Variants in LRRC7 observed in about 807,000 individuals in gnomAD.
The protein encoded by LRRC7 is leucine-rich repeat-containing protein 7.
In LRRC7, 23 loss-of-function variants were observed where a neutral mutation model predicts 175.7. The ratio of observed to expected loss-of-function variants is 0.13; its 90% CI spans 0.09 to 0.19. LRRC7 has a LOEUF of 0.19. LRRC7 is among the 10% of genes least tolerant of loss of function. LRRC7 has a pLI of 1.00. For missense variants in LRRC7, 1,354 were observed against 1,904.7 expected (o/e 0.71, Z 5.38); for synonymous variants, 685 against 680.9 (o/e 1.01, Z -0.09).
chr1:69,948,694 G>A (rs949527602), intron 8 of LRRC7, among the ~76,000 whole-genome samples: 2 of 152,060 alleles, frequency 1.3e-5, no homozygotes. Flanking sequence ...CTACTTTTAC[G>A]AGGCACTCTA....
chr1:69,673,452 T>C (rs980049426), intron 1 of LRRC7, among the ~76,000 whole-genome samples: 1 of 152,236 alleles, frequency 6.6e-6, no homozygotes, highest in Non-Finnish European at 1.5e-5. Flanking sequence ...TCATTACATT[T>C]AATCTCTCTT....
At chr1:69,790,973 C>T (rs1377167639) in intron 3 of LRRC7, among the ~76,000 whole-genome samples, 1 of 151,894 alleles carries the variant, frequency 6.6e-6, no homozygotes, top group Non-Finnish European at 1.5e-5. Context: ...ACATAACGAC[C>T]ATGTGCTACA....
chr1:70,063,219 A>G (rs1661711732), intron 23 of LRRC7, among the ~76,000 whole-genome samples: 1 of 152,148 alleles, frequency 6.6e-6, no homozygotes, highest in Non-Finnish European at 1.5e-5. Flanking sequence ...CCACAGATTA[A>G]GCAATAGGAA....
chr1:69,609,601 T>C (rs1230341728), intron 1 of LRRC7, among the ~76,000 whole-genome samples: 1 of 151,954 alleles, frequency 6.6e-6, no homozygotes, highest in East Asian at 1.9e-4. Context: ...CTTAAATGAG[T>C]TTAATATATG....
chr1:69,903,628 G>C (rs1238974492), intron 7 of LRRC7, among the ~76,000 whole-genome samples: 1 of 152,154 alleles, frequency 6.6e-6, no homozygotes, highest in South Asian at 2.1e-4. Context: ...AAATTTAAAA[G>C]CTTGCAGAAG....
chr1:69,793,176 A>C (rs1371152450), intron 4 of LRRC7, among the ~76,000 whole-genome samples: 1 of 152,118 alleles, frequency 6.6e-6, no homozygotes, highest in Non-Finnish European at 1.5e-5. Context: ...GTTGCCCATT[A>C]AACAAGAAAT....
intron 3 of LRRC7, among the ~76,000 whole-genome samples, chr1:69,781,838 GAAGGAAGGGAGA>G (rs1557720518): frequency 1.2e-4 from 10 of 85,888 alleles, no homozygotes; most frequent in Admixed American, 3.8e-4. Context: ...AGGAAGGAAG[GAAGGAAGGGAGA>G]GAAAGAAAGA....
At chr1:69,976,023 T>C (rs577060484) in intron 8 of LRRC7, among the ~76,000 whole-genome samples, 1 of 152,296 alleles carries the variant, frequency 6.6e-6, no homozygotes, top group African/African-American at 2.4e-5. Context: ...TCTCCTCTCA[T>C]TCAGGCTTTA....
chr1:69,807,255 C>T (rs1677232743), intron 4 of LRRC7, among the ~76,000 whole-genome samples: 1 of 151,968 alleles, frequency 6.6e-6, no homozygotes, highest in Non-Finnish European at 1.5e-5. Context: ...ATCCAATTTG[C>T]CAGTCTGTGT....
intron 4 of LRRC7, among the ~76,000 whole-genome samples, chr1:69,797,908 G>GT (rs369511771): frequency 3.4e-3 from 523 of 151,616 alleles, no homozygotes; most frequent in African/African-American, 0.012. Flanking sequence ...TTTGCACTTT[G>GT]TTTTTTTTGT....
intron 1 of LRRC7, among the ~76,000 whole-genome samples, chr1:69,671,348 T>C (rs981484996): frequency 6.6e-6 from 1 of 152,136 alleles, no homozygotes; most frequent in African/African-American, 2.4e-5. Context: ...TATCCTACTG[T>C]GGCTAAGCTG....
chr1:69,908,360 G>A (rs1226691554), intron 7 of LRRC7, among the ~76,000 whole-genome samples: 180 of 151,970 alleles, frequency 1.2e-3, no homozygotes, highest in African/African-American at 4.2e-3. Flanking sequence ...ATGTTAGGGT[G>A]TCAATTTTGG....
chr1:69,616,985 G>A lies in LRRC7; in HGVS notation c.2+48344G>A, dbSNP rs551336293. Among the ~76,000 whole-genome samples, 207 of 152,170 alleles carry A rather than the reference G, an allele frequency of 1.4e-3. 5 individuals are homozygous for A. In the South Asian group the frequency reaches 0.042, roughly 31 times the overall value. On this transcript the variant is annotated intron_variant, in intron 1 of 26. Transcript: ENST00000651989. ...TTATATCACTAGATAAAATTCAAAT[G>A]TCAGAAGTCAAGGTTATTCACTGTC... is the stretch of plus-strand genomic sequence containing the variant.
chr1:69,853,305 G>T (rs2421195), intron 7 of LRRC7, among the ~76,000 whole-genome samples: 1 of 96,378 alleles, frequency 1.0e-5, no homozygotes, highest in Admixed American at 1.6e-4. Flanking sequence ...TTGAGACAGA[G>T]TCTTACTCTG....
Position 70,021,103 on chromosome 1 carries a change from G to A in LRRC7, c.1519G>A (p.Asp507Asn), listed in dbSNP as rs757125340. Reference protein sequence around the residue: ...VAFEFEDKKEDDENAGKVKDL... With the variant: ...VAFEFEDKKENDENAGKVKDL... ...CTTTGAATTTGAAGACAAAAAAGAA[G>A]ATGACGAAAATGCTGGGAAAGTTAA... is the stretch of plus-strand genomic sequence containing the variant. Residue 507 changes from aspartate to asparagine, a missense_variant, in exon 16 of 27, where the codon GAT becomes AAT. Transcript: ENST00000651989. 3 of 1,612,118 alleles carry A rather than the reference G, an allele frequency of 1.9e-6. No individual in the cohort carries two copies. The highest frequency in any genetic ancestry group is 2.2e-5 in the East Asian group (1 of 44,718).
At chr1:70,071,148 A>G (rs554960280) in intron 23 of LRRC7, among the ~76,000 whole-genome samples, 2 of 152,172 alleles carry the variant, frequency 1.3e-5, no homozygotes, top group Non-Finnish European at 2.9e-5. Flanking sequence ...GTTAGACAGC[A>G]TCTTTCCTAT....
chr1:70,012,338 C>T (rs1656584878), intron 12 of LRRC7, among the ~76,000 whole-genome samples: 1 of 151,394 alleles, frequency 6.6e-6, no homozygotes, highest in Admixed American at 6.6e-5. Flanking sequence ...ACTTCTGGAT[C>T]CACCAAGAGA....
chr1:69,751,258 T>C (rs1669818882), intron 2 of LRRC7, among the ~76,000 whole-genome samples: 1 of 152,176 alleles, frequency 6.6e-6, no homozygotes, highest in South Asian at 2.1e-4. Flanking sequence ...GCAGGCACCA[T>C]AGCTTTTTAA....
chr1:69,928,753 C>T lies in LRRC7; in HGVS notation c.648-2754C>T, dbSNP rs574273462. ...GGAAAGGGAACTCCTTGACCCCTTG[C>T]GCTTCCCAAGTGAGGCAATGCCTCG... On this transcript the variant is annotated intron_variant, in intron 7 of 26. Transcript: ENST00000651989. 5.2e-4 allele frequency among the ~76,000 whole-genome samples: 79 copies of T among 152,342 alleles called. 1 individual carries two copies. The highest frequency in any genetic ancestry group is 5.0e-3 in the South Asian group (24 of 4,830).
Sources: gnomAD v4.1 joint callset for allele counts (sites outside exome capture counted in the v4.1 genomes callset) on GRCh38, gnomAD v4.1.1 for gene constraint, MANE v1.5 for transcripts, NCBI Gene and HGNC (gene_info 2026-07-23, HGNC 2026-07-21) for gene names.